The following DUSP4 variants were observed in gnomAD, a reference collection of about 807,000 sequenced individuals.
DUSP4 encodes the protein dual specificity phosphatase 4.
DUSP4 carries 12 observed loss-of-function variants against 27.2 expected under a neutral mutation model. The observed-to-expected ratio is 0.44, with a 90% CI of 0.28 to 0.71. The LOEUF is 0.71. DUSP4 is among the 30% of genes least tolerant of loss of function. The pLI, the probability that DUSP4 is intolerant of heterozygous loss-of-function variation, is 0.14. For synonymous variants in DUSP4, 257 were observed against 245.2 expected (o/e 1.05, Z -0.45); for missense variants, 448 against 551.3 (o/e 0.81, Z 1.88).
At chr8:29,343,311 T>A (rs1486224786) in intron 1 of DUSP4, among the ~76,000 whole-genome samples, 1 of 151,852 alleles carries the variant, frequency 6.6e-6, no homozygotes, top group African/African-American at 2.4e-5. Context: ...CTAAAGGGGG[T>A]TCCTTTTGGT....
intron 1 of DUSP4, chr8:29,347,791 C>T: frequency 5.1e-6 from 5 of 985,556 alleles, no homozygotes; most frequent in East Asian, 2.3e-4. Context: ...GTCATTTTAC[C>T]TAGAGGCCTG....
At chr8:29,343,153 G>A in intron 1 of DUSP4, among the ~76,000 whole-genome samples, 1 of 140,696 alleles carries the variant, frequency 7.1e-6, no homozygotes, top group Non-Finnish European at 1.5e-5. Context: ...GGGCGTCAGA[G>A]CGAGACTCCA....
rs150126808 is a variant in DUSP4, at chr8:29,341,216, G to A, written c.434-973C>T. On this transcript the variant is annotated intron_variant, in intron 1 of 3. Coordinates refer to ENST00000240100, the MANE Select transcript of DUSP4 (RefSeq NM_001394.7). ...TCAATTGATTCAGTAGGGCCTGTGC[G>A]TTGGAGAACCACCATTCCAACAAAC... 1.3e-3 allele frequency among the ~76,000 whole-genome samples: 196 copies of A among 152,292 alleles called. No homozygotes were observed. In the East Asian group the frequency reaches 0.02, roughly 15 times the overall value.
chr8:29,342,942 T>C (rs1015345289), intron 1 of DUSP4, among the ~76,000 whole-genome samples: 32 of 151,636 alleles, frequency 2.1e-4, no homozygotes, highest in African/African-American at 5.1e-4. Flanking sequence ...CCGAGGCGGG[T>C]GGATCACGAG....
chr8:29,340,173 T>A lies in DUSP4; in HGVS notation c.504A>T (p.Pro168=). 15 of 1,609,308 alleles carry A rather than the reference T, an allele frequency of 9.3e-6. No individual in the cohort carries two copies. Among genetic ancestry groups the A allele is most frequent in the Non-Finnish European group, 1.3e-5 (15 of 1,178,344 alleles). ...CSKTKALAAI[P]PPVPPSATEP... is the part of the protein sequence containing the mutation. ...CTGTGGCACTGGGGGGAACCGGGGG[T>A]GGGATGGCTGCCAGGGCCTTGGTTT... The change falls in exon 2 of 4, where the codon CCA becomes CCT. Residue 168 remains proline (P), a synonymous_variant. Transcript: ENST00000240100.
In DUSP4 at chr8:29,348,535, T is replaced by C. The variant is rs1243793474; in HGVS notation, c.433+1311A>G. On this transcript the variant is annotated intron_variant, in intron 1 of 3. Coordinates refer to ENST00000240100, the MANE Select transcript of DUSP4 (RefSeq NM_001394.7). Reference sequence around the variant, plus strand: ...TTCAACCAAAGGTCAACAGCAGCGTTTCCCCAGCAGCTGACAGGTCAAATG... The same window carrying C: ...TTCAACCAAAGGTCAACAGCAGCGTCTCCCCAGCAGCTGACAGGTCAAATG... 3 of 985,336 alleles carry C rather than the reference T, an allele frequency of 3.0e-6. No homozygotes were observed. The African/African-American group carries it at 5.2e-5, about 17-fold the overall frequency. The allele number at this position is 985,336 out of a possible 1,614,324, so 61.0% of individuals were successfully genotyped here. A position where few individuals can be genotyped will look rare whatever the true frequency, so the allele number is the denominator to read the frequency against.
chr8:29,341,360 A>G (rs947941503), intron 1 of DUSP4, among the ~76,000 whole-genome samples: 2 of 152,208 alleles, frequency 1.3e-5, no homozygotes, highest in Non-Finnish European at 2.9e-5. Flanking sequence ...AAATTTTCCA[A>G]TGTGCAGACA....
intron 1 of DUSP4, 113 bp downstream of exon 1, chr8:29,349,733 A>C: frequency 1.5e-6 from 2 of 1,337,602 alleles, no homozygotes; most frequent in Non-Finnish European, 2.0e-6. Context: ...GCGCGCGGGG[A>C]TCCCCGCAAC....
chr8:29,340,064 C>G, intron 2 of DUSP4, 34 bp downstream of exon 2: 2 of 1,547,940 alleles, frequency 1.3e-6, no homozygotes, highest in African/African-American at 1.4e-5. Flanking sequence ...GCTGTTCCTG[C>G]CCCCCACTTC....
At chr8:29,344,455 C>T (rs1224539710) in intron 1 of DUSP4, among the ~76,000 whole-genome samples, 1 of 152,142 alleles carries the variant, frequency 6.6e-6, no homozygotes, top group East Asian at 1.9e-4. Flanking sequence ...TTTCCCATGT[C>T]CTTATTTAAG....
intron 2 of DUSP4, among the ~76,000 whole-genome samples, chr8:29,339,836 C>A (rs1009819462): frequency 2.2e-5 from 3 of 139,332 alleles, no homozygotes; most frequent in Non-Finnish European, 4.7e-5. Context: ...AGACCCCCCC[C>A]CCCCATCTCT....
intron 1 of DUSP4, among the ~76,000 whole-genome samples, chr8:29,347,254 A>T (rs1817749146): frequency 6.6e-6 from 1 of 152,122 alleles, no homozygotes; most frequent in Non-Finnish European, 1.5e-5. Context: ...GTATCTGGAG[A>T]CCTGGGAGAC....
At chr8:29,343,167 CAAAAAA>C (rs3052311) in intron 1 of DUSP4, among the ~76,000 whole-genome samples, 5 of 86,568 alleles carry the variant, frequency 5.8e-5, no homozygotes, top group Admixed American at 1.2e-4. Flanking sequence ...GACTCCATCT[CAAAAAA>C]AAAAAAAAAA....
chr8:29,350,596 T>C lies in DUSP4; in HGVS notation c.-318A>G. 3.2e-6 allele frequency: 1 copy of C among 315,210 alleles called. No individual in the cohort carries two copies. The highest frequency in any genetic ancestry group is 5.8e-6 in the Non-Finnish European group (1 of 173,228). 19.5% of individuals were successfully genotyped at this position (315,210 alleles called of 1,614,324 possible). A position where few individuals can be genotyped will look rare whatever the true frequency, so the allele number is the denominator to read the frequency against. On this transcript the variant is annotated 5_prime_UTR_variant, in exon 1 of 4. Transcript: ENST00000240100. ...CTTTTCGGCGACGGCCTCCCGTGTA[T>C]TTTTGCCGGTCGCGCGGCTCCTGTC...
intron 1 of DUSP4, among the ~76,000 whole-genome samples, chr8:29,347,230 C>T (rs906641592): frequency 6.6e-6 from 1 of 152,204 alleles, no homozygotes; most frequent in Non-Finnish European, 1.5e-5. Flanking sequence ...GGCTTCCAGG[C>T]ATGGAAGGGA....
Position 29,349,976 on chromosome 8 carries a change from G to T in DUSP4, c.303C>A (p.Leu101=). Residue 101 remains leucine, a synonymous_variant, in exon 1 of 4, where the codon CTC becomes CTA. Coordinates refer to ENST00000240100, the MANE Select transcript of DUSP4 (RefSeq NM_001394.7). The stretch of plus-strand genomic sequence containing the variant: ...CGTCGTAGACGATGACCGCCGAGTA[G>T]AGGCCGGAGCGCAAGCGGGCGCGTA... ...EEVRARLRSG[L]YSAVIVYDER... The T allele has an allele frequency of 6.3e-7, 1 of 1,578,444 alleles. No homozygotes were observed.
At position 29,350,357 on chromosome 8, in the gene DUSP4, G is replaced by C; in HGVS notation, c.-79C>G. 1.4e-6 allele frequency: 2 copies of C among 1,468,988 alleles called. No individual in the cohort carries two copies. Among genetic ancestry groups the C allele is most frequent in the Admixed American group, 5.0e-5 (2 of 39,614 alleles). 91.0% of individuals were successfully genotyped at this position (1,468,988 alleles called of 1,614,324 possible). A position where few individuals can be genotyped will look rare whatever the true frequency, so the allele number is the denominator to read the frequency against. On this transcript the variant is annotated 5_prime_UTR_variant, in exon 1 of 4. Transcript: ENST00000240100. ...CCGCCTAGGCTGCAGAAAGGGGCGG[G>C]CGAGAGCTAAGAAGGGACGCCTGCA...
In DUSP4 at chr8:29,339,662, G is replaced by A. The variant is rs541229831; in HGVS notation, c.579+436C>T. On this transcript the variant is annotated intron_variant, in intron 2 of 3. Transcript: ENST00000240100. ...ACCTAACATCCCACCCCAATACTCC[G>A]GGTTCACCGCATTCTCCCCAAATTG... is the stretch of plus-strand genomic sequence containing the variant. 2.6e-5 allele frequency among the ~76,000 whole-genome samples: 4 copies of A among 152,172 alleles called. No homozygotes were observed. In the South Asian group the frequency reaches 8.3e-4, roughly 32 times the overall value.
chr8:29,345,410 C>G (rs539824798), intron 1 of DUSP4: 1 of 1,613,796 alleles, frequency 6.2e-7, no homozygotes, highest in Admixed American at 1.7e-5. Context: ...TTCCTGCCAG[C>G]TGGCTGACAC....
Sources: gnomAD v4.1 joint callset for allele counts (sites outside exome capture counted in the v4.1 genomes callset) on GRCh38, gnomAD v4.1.1 for gene constraint, MANE v1.5 for transcripts, NCBI Gene and HGNC (gene_info 2026-07-23, HGNC 2026-07-21) for gene names.